Variants in INTS11 observed in about 807,000 individuals in gnomAD.
The protein encoded by INTS11 is CPSF3-like protein.
Under a neutral mutation model 78.6 loss-of-function variants are expected in INTS11, and 77 were observed. That is an observed-to-expected ratio of 0.98 (90% confidence interval 0.81 to 1.18). The LOEUF is 1.18. Among genes scored for constraint, INTS11 ranks in the 50% most tolerant of loss-of-function variants. The pLI, the probability that INTS11 is intolerant of heterozygous loss-of-function variation, is 0.00. For missense variants in INTS11, 875 were observed against 825.9 expected (o/e 1.06, Z -0.73); for synonymous variants, 441 against 326.9 (o/e 1.35, Z -3.77).
intron 6 of INTS11, chr1:1,315,202 G>A (rs1420603266): frequency 5.5e-6 from 4 of 732,464 alleles, no homozygotes; most frequent in Non-Finnish European, 8.9e-6. Flanking sequence ...GACTTGGGAA[G>A]AGAGAGAAGG....
chr1:1,320,710 G>A (rs1185731253), intron 2 of INTS11, 181 bp from the exon 3 acceptor site: 4 of 743,444 alleles, frequency 5.4e-6, no homozygotes, highest in Admixed American at 4.0e-5. Flanking sequence ...AGGGGCCGAG[G>A]TTACCCCCAA....
intron 4 of INTS11, among the ~76,000 whole-genome samples, chr1:1,315,932 G>A (rs963368277): frequency 2.6e-5 from 4 of 152,160 alleles, no homozygotes; most frequent in Admixed American, 2.6e-4. Context: ...CGGGCAACGT[G>A]GACAAAGAAC....
At chr1:1,318,967 G>C (rs1034865114) in intron 4 of INTS11, 2 of 717,126 alleles carry the variant, frequency 2.8e-6, no homozygotes, top group East Asian at 2.7e-5. Context: ...GAGCTCCAGC[G>C]AGTCTCTGGC....
chr1:1,321,897 ATCC>A, intron 1 of INTS11: 8 of 1,258,180 alleles, frequency 6.4e-6, no homozygotes, highest in Non-Finnish European at 8.3e-6. Context: ...TTCCCCTTGA[ATCC>A]CACCCACCTC....
chr1:1,321,906 ACCTC>A, intron 1 of INTS11: 1 of 294,332 alleles, frequency 3.4e-6, no homozygotes, highest in Non-Finnish European at 5.3e-6. Context: ...AATCCCACCC[ACCTC>A]CCCCTGCCAG....
chr1:1,321,898 T>TGC, intron 1 of INTS11: 7 of 1,141,966 alleles, frequency 6.1e-6, no homozygotes, highest in East Asian at 3.2e-5. Flanking sequence ...TCCCCTTGAA[T>TGC]CCCACCCACC....
intron 2 of INTS11, 90 bp from the exon 3 acceptor site, chr1:1,320,619 G>T (rs1642888170): frequency 3.8e-6 from 5 of 1,323,702 alleles, no homozygotes; most frequent in Non-Finnish European, 5.5e-6. Context: ...CCCCAGGAAG[G>T]GGGGTTCTAT....
chr1:1,321,902 ACCC>A, intron 1 of INTS11: 1 of 328,280 alleles, frequency 3.0e-6, no homozygotes, highest in Non-Finnish European at 4.7e-6. Flanking sequence ...CTTGAATCCC[ACCC>A]ACCTCCCCCT....
In INTS11 at chr1:1,321,138, C is replaced by A. The variant is rs372265135; in HGVS notation, c.29-45G>T. On this transcript the variant is annotated intron_variant, in intron 1 of 16. Transcript: ENST00000435064. Reference sequence around the variant, plus strand: ...TGAGTCACTGCTGCGCCCCCCGCCCCCTGTGCTGCCTCCCCAAGCTCTGCA... The same window carrying A: ...TGAGTCACTGCTGCGCCCCCCGCCCACTGTGCTGCCTCCCCAAGCTCTGCA... 194 of 1,465,308 alleles carry A rather than the reference C, an allele frequency of 1.3e-4. 1 individual carries two copies. In the Admixed American group the frequency reaches 3.3e-3, roughly 25 times the overall value. 90.8% of individuals were successfully genotyped at this position (1,465,308 alleles called of 1,614,324 possible).
At chr1:1,322,923 G>C (rs1432201561) in intron 1 of INTS11, 10 of 1,340,024 alleles carry the variant, frequency 7.5e-6, no homozygotes, top group Non-Finnish European at 8.6e-6. Flanking sequence ...AATATACCCA[G>C]GTACAGATTG....
Position 1,312,213 on chromosome 1 carries a change from G to GGGGGGGGGGGGGGGT in INTS11, c.1607+12_1607+13insACCCCCCCCCCCCCC. The GGGGGGGGGGGGGGGT allele has an allele frequency of 1.1e-6, 1 of 934,630 alleles. No homozygotes were observed. Among genetic ancestry groups the GGGGGGGGGGGGGGGT allele is most frequent in the Non-Finnish European group, 1.6e-6 (1 of 636,678 alleles). 57.9% of individuals were successfully genotyped at this position (934,630 alleles called of 1,614,324 possible). ...CCCAAGGGAGTGGGGGGGGGGCGGGGCCGGGCGCCCACCTCTTGAGGTGGC... is the reference window on the plus strand; with the variant it reads ...CCCAAGGGAGTGGGGGGGGGGCGGGGGGGGGGGGGGGGGGTCCGGGCGCCCACCTCTTGAGGTGGC... On this transcript the variant is annotated intron_variant, in intron 15 of 16. Transcript: ENST00000435064.
chr1:1,313,615 TG>T (rs771977193), intron 9 of INTS11, 23 bp from the exon 10 acceptor site: 2 of 1,612,664 alleles, frequency 1.2e-6, no homozygotes, highest in Non-Finnish European at 1.7e-6. Context: ...CAGGGCCAGG[TG>T]GGGGGTCAGG....
chr1:1,311,751 G>T lies in INTS11; in HGVS notation c.*108C>A. On this transcript the variant is annotated 3_prime_UTR_variant, in exon 17 of 17. Transcript: ENST00000435064. ...ACACAAGGCCTCTGTCCCCAGGGATGGGACCTGCAGGGTCTGTTCACCCAG... is the reference window on the plus strand; with the variant it reads ...ACACAAGGCCTCTGTCCCCAGGGATTGGACCTGCAGGGTCTGTTCACCCAG... 1 of 1,141,188 alleles carries T rather than the reference G, an allele frequency of 8.8e-7. No individual in the cohort carries two copies. The highest frequency in any genetic ancestry group is 1.3e-6 in the Non-Finnish European group (1 of 789,004). The allele number at this position is 1,141,188 out of a possible 1,614,324, so 70.7% of individuals were successfully genotyped here.
At position 1,313,026 on chromosome 1, in the gene INTS11, G is replaced by T; in HGVS notation, c.1131+9C>A. ...GGCCCTGCCAGCCCAGTGCGGGGTC[G>T]AGACTCACCACCTGCCGCCCCTCCA... On this transcript the variant is annotated intron_variant, in intron 11 of 16. Coordinates refer to ENST00000435064, the MANE Select transcript of INTS11 (RefSeq NM_017871.6). The T allele has an allele frequency of 6.2e-7, 1 of 1,611,222 alleles. No individual in the cohort carries two copies. The highest frequency in any genetic ancestry group is 2.2e-5 in the East Asian group (1 of 44,852).
chr1:1,320,595 C>CCCCT, intron 2 of INTS11, 66 bp from the exon 3 acceptor site: 1 of 1,542,920 alleles, frequency 6.5e-7, no homozygotes, highest in Non-Finnish European at 9.0e-7. Flanking sequence ...GCCACCCATG[C>CCCCT]CCCAGGGAGG....
At chr1:1,319,097 G>A (rs1642791864) in intron 4 of INTS11, 199 bp downstream of exon 4, 1 of 745,578 alleles carries the variant, frequency 1.3e-6, no homozygotes, top group Non-Finnish European at 2.5e-6. Context: ...GCTCTCCCGG[G>A]TCGGCGCCCA....
intron 1 of INTS11, chr1:1,321,864 G>C: frequency 7.9e-7 from 1 of 1,265,346 alleles, no homozygotes; most frequent in Non-Finnish European, 1.0e-6. Context: ...GCCTGGGCAG[G>C]AGTCTGATGG....
rs750468389 is a variant in INTS11, at chr1:1,313,712, G to C, written c.957+20C>G. ...ACCGACGGGTGTGGATGTGCTGGCC[G>C]GCCCTGCCGCGGGCCTCACCATCGG... On this transcript the variant is annotated intron_variant, in intron 9 of 16. Transcript: ENST00000435064. 1.9e-6 allele frequency: 3 copies of C among 1,610,386 alleles called. No homozygotes were observed. The highest frequency in any genetic ancestry group is 3.3e-5 in the Admixed American group (2 of 59,990).
chr1:1,321,106 G>A lies in INTS11; in HGVS notation c.29-13C>T, dbSNP rs1642919498. The A allele has an allele frequency of 2.5e-6, 4 of 1,600,344 alleles. No individual in the cohort carries two copies. Among genetic ancestry groups the A allele is most frequent in the African/African-American group, 1.3e-5 (1 of 74,852 alleles). On this transcript the variant is annotated splice_polypyrimidine_tract_variant and intron_variant, in intron 1 of 16. Coordinates refer to ENST00000435064, the MANE Select transcript of INTS11 (RefSeq NM_017871.6). ...TCCTGGCCGGCCCCTACTCGAGGGA[G>A]GGCAGATGAGTCACTGCTGCGCCCC...
Sources: gnomAD v4.1 joint callset for allele counts (sites outside exome capture counted in the v4.1 genomes callset) on GRCh38, gnomAD v4.1.1 for gene constraint, MANE v1.5 for transcripts, NCBI Gene and HGNC (gene_info 2026-07-23, HGNC 2026-07-21) for gene names.